The following CCDC138 variants were observed in gnomAD, a reference collection of about 807,000 sequenced individuals.
The protein encoded by CCDC138 is coiled-coil domain-containing protein 138.
In CCDC138, 66 loss-of-function variants were observed where a neutral mutation model predicts 82.3. The observed-to-expected ratio is 0.80, with a 90% CI of 0.66 to 0.98. The LOEUF (loss-of-function observed/expected upper bound fraction) is 0.98. CCDC138 is among the 50% of genes least tolerant of loss of function. The pLI is 0.00. For missense variants in CCDC138, 816 were observed against 758.9 expected, an observed-to-expected ratio of 1.08 and a Z score of -0.88; for synonymous variants, 297 against 265.4, an observed-to-expected ratio of 1.12 and a Z score of -1.16.
At chr2:108,818,565 T>C (rs941078321) in intron 10 of CCDC138, among the ~76,000 whole-genome samples, 1 of 152,146 alleles carries the variant, frequency 6.6e-6, no homozygotes, top group Non-Finnish European at 1.5e-5. Context: ...CTTTTAAATA[T>C]AATAATAGAA....
chr2:108,866,166 G>A (rs1694383004), intron 13 of CCDC138, among the ~76,000 whole-genome samples: 1 of 152,170 alleles, frequency 6.6e-6, no homozygotes, highest in African/African-American at 2.4e-5. Flanking sequence ...GGGGATTGTT[G>A]TGGAATCAGT....
At chr2:108,806,097 G>A (rs1258673798) in intron 7 of CCDC138, among the ~76,000 whole-genome samples, 3 of 152,120 alleles carry the variant, frequency 2.0e-5, no homozygotes, top group African/African-American at 7.2e-5. Flanking sequence ...CTCCTTGGCA[G>A]TGATACATAG....
chr2:108,813,455 T>C lies in CCDC138; in HGVS notation c.1041+528T>C, dbSNP rs539428291. 4.6e-4 allele frequency among the ~76,000 whole-genome samples: 70 copies of C among 152,224 alleles called. 1 individual carries two copies. The highest frequency in any genetic ancestry group is 6.8e-3 in the Middle Eastern group (2 of 294). ...TTCATTTGTGAAAACAAAACTATTA[T>C]ATTTCAGCAGTGTTTCAGGTACGTA... On this transcript the variant is annotated intron_variant, in intron 9 of 14. Transcript: ENST00000295124.
intron 7 of CCDC138, among the ~76,000 whole-genome samples, chr2:108,811,247 C>CTTTTTTTTTTTTTTTT (rs55661786): frequency 3.5e-5 from 4 of 113,938 alleles, no homozygotes; most frequent in African/African-American, 1.5e-4. Context: ...TTCTCTCTCT[C>CTTTTTTTTTTTTTTTT]TTTTTTTTTT....
At chr2:108,864,784 A>C in intron 13 of CCDC138, among the ~76,000 whole-genome samples, 1 of 117,904 alleles carries the variant, frequency 8.5e-6, no homozygotes, top group African/African-American at 3.1e-5. Flanking sequence ...ACAGAGCGAG[A>C]CTCCATCTCA....
chr2:108,827,046 A>G (rs1278268012), intron 10 of CCDC138, among the ~76,000 whole-genome samples: 1 of 152,216 alleles, frequency 6.6e-6, no homozygotes, highest in African/African-American at 2.4e-5. Context: ...TGGATTGTAC[A>G]TTACTAATAT....
intron 13 of CCDC138, among the ~76,000 whole-genome samples, chr2:108,861,747 C>T (rs1428243009): frequency 6.6e-6 from 1 of 152,080 alleles, no homozygotes; most frequent in Non-Finnish European, 1.5e-5. Flanking sequence ...TCCCAAAGTG[C>T]TGGGATTACA....
intron 12 of CCDC138, among the ~76,000 whole-genome samples, chr2:108,848,639 G>C (rs1257435542): frequency 6.6e-6 from 1 of 152,212 alleles, no homozygotes; most frequent in Non-Finnish European, 1.5e-5. Context: ...AGTTGAGGAA[G>C]TGTTAGGGAA....
intron 7 of CCDC138, among the ~76,000 whole-genome samples, chr2:108,810,126 T>A (rs1342859094): frequency 6.6e-6 from 1 of 152,162 alleles, no homozygotes; most frequent in East Asian, 1.9e-4. Context: ...AATTTGGATG[T>A]CTTTTATTTC....
At chr2:108,848,927 A>G (rs919216045) in intron 12 of CCDC138, among the ~76,000 whole-genome samples, 1 of 152,222 alleles carries the variant, frequency 6.6e-6, no homozygotes, top group African/African-American at 2.4e-5. Context: ...GATACAGATG[A>G]TAGAATTAGT....
chr2:108,815,462 T>G (rs887358623), intron 9 of CCDC138, among the ~76,000 whole-genome samples: 7 of 19,988 alleles, frequency 3.5e-4, no homozygotes, highest in African/African-American at 1.1e-3. Context: ...GTTTTTGGTG[T>G]TTTTTTTTTT....
chr2:108,852,447 A>C (rs1691667168), intron 12 of CCDC138, among the ~76,000 whole-genome samples: 1 of 152,206 alleles, frequency 6.6e-6, no homozygotes, highest in Non-Finnish European at 1.5e-5. Context: ...GGACACATGC[A>C]TGTGTTGTGT....
chr2:108,833,251 T>G (rs1174981151), intron 10 of CCDC138, among the ~76,000 whole-genome samples: 1 of 152,184 alleles, frequency 6.6e-6, no homozygotes, highest in African/African-American at 2.4e-5. Flanking sequence ...TAGACTTTAG[T>G]TAATCATAGT....
chr2:108,787,574 A>G (rs1333249097), intron 1 of CCDC138, among the ~76,000 whole-genome samples: 2 of 152,230 alleles, frequency 1.3e-5, no homozygotes, highest in East Asian at 1.9e-4. Context: ...TTCAGCAATT[A>G]TCTCGATAAA....
At chr2:108,838,714 T>G (rs983020832) in intron 10 of CCDC138, among the ~76,000 whole-genome samples, 3 of 152,170 alleles carry the variant, frequency 2.0e-5, no homozygotes, top group African/African-American at 4.8e-5. Flanking sequence ...TACTCCAGTT[T>G]CTGAAATCCA....
Position 108,873,447 on chromosome 2 carries a change from G to A in CCDC138, c.1694-4G>A. ...TAGTAAAGCACTGTTGATTTGTTTT[G>A]CAGAATCCTTGCAGCCTTTCCTGGA... On this transcript the variant is annotated splice_polypyrimidine_tract_variant and splice_region_variant and intron_variant, in intron 13 of 14. Transcript: ENST00000295124. The A allele has an allele frequency of 6.3e-7, 1 of 1,582,128 alleles. No individual in the cohort carries two copies. Among genetic ancestry groups the A allele is most frequent in the Non-Finnish European group, 8.6e-7 (1 of 1,168,038 alleles).
At chr2:108,815,514 T>C (rs1012000461) in intron 9 of CCDC138, among the ~76,000 whole-genome samples, 2 of 148,172 alleles carry the variant, frequency 1.3e-5, no homozygotes, top group Non-Finnish European at 3.0e-5. Flanking sequence ...TTGCCCAGAT[T>C]GGTGTGCAGT....
intron 10 of CCDC138, among the ~76,000 whole-genome samples, chr2:108,820,796 G>C (rs928197506): frequency 3.3e-5 from 5 of 151,702 alleles, no homozygotes; most frequent in Non-Finnish European, 5.9e-5. Context: ...AGTAGTTGAG[G>C]GAGTTCAGTA....
chr2:108,788,016 T>A lies in CCDC138; in HGVS notation c.94-16T>A. ...ATTTTTAGTATACAAATTAAATCTT[T>A]TCTTTTTTTTTTTAGTATGATTTTT... On this transcript the variant is annotated splice_polypyrimidine_tract_variant and intron_variant, in intron 1 of 14. Transcript: ENST00000295124. The A allele has an allele frequency of 6.7e-7, 1 of 1,492,452 alleles. No individual in the cohort carries two copies. The highest frequency in any genetic ancestry group is 9.1e-7 in the Non-Finnish European group (1 of 1,104,742). The allele number at this position is 1,492,452 out of a possible 1,614,324, so 92.5% of individuals were successfully genotyped here. A position where few individuals can be genotyped will look rare whatever the true frequency, so the allele number is the denominator to read the frequency against.
Sources: gnomAD v4.1 joint callset for allele counts (sites outside exome capture counted in the v4.1 genomes callset) on GRCh38, gnomAD v4.1.1 for gene constraint, MANE v1.5 for transcripts, NCBI Gene and HGNC (gene_info 2026-07-23, HGNC 2026-07-21) for gene names.